The following ING3 variants were observed in gnomAD, a reference collection of about 807,000 sequenced individuals.
ING3 encodes the protein inhibitor of growth family member 3.
ING3 carries 6 observed loss-of-function variants against 64.8 expected under a neutral mutation model. That is an observed-to-expected ratio of 0.09 (90% CI 0.05 to 0.18). The LOEUF (loss-of-function observed/expected upper bound fraction) is 0.18, where lower values mean the gene tolerates loss of function less well. ING3 is among the 10% of genes least tolerant of loss of function. The pLI is 1.00. For synonymous variants in ING3, 170 were observed against 173.7 expected, an observed-to-expected ratio of 0.98 and a Z score of 0.17; for missense variants, 310 against 489.7, an observed-to-expected ratio of 0.63 and a Z score of 3.46.
rs1464487348 is a variant in ING3, at chr7:120,969,019, G to A, written c.723G>A (p.Glu241=). 1 of 1,608,600 alleles carries A rather than the reference G, an allele frequency of 6.2e-7. No homozygotes were observed. ...QAVQATAQMK[E]GRRTSSLKAS... is the part of the protein sequence containing the mutation. Reference sequence around the variant, plus strand: ...ATGAATGTCTATTTAAGATGAAGGAGGGACGAAGAACATCAAGTTTAAAAG... The same window carrying A: ...ATGAATGTCTATTTAAGATGAAGGAAGGACGAAGAACATCAAGTTTAAAAG... Residue 241 remains glutamate (E), a synonymous_variant, in exon 9 of 12, where the codon GAG becomes GAA. Transcript: ENST00000315870.
chr7:120,970,536 C>A, intron 9 of ING3, 152 bp from the exon 10 acceptor site: 1 of 721,090 alleles, frequency 1.4e-6, no homozygotes, highest in Non-Finnish European at 2.3e-6. Context: ...AAAGTACTAC[C>A]TACAATTTAA....
intron 5 of ING3, 115 bp from the exon 6 acceptor site, chr7:120,966,511 C>T (rs998861915): frequency 4.9e-6 from 4 of 811,854 alleles, no homozygotes; most frequent in Non-Finnish European, 8.9e-6. Context: ...GCATATGCAT[C>T]AGAACTTGCT....
chr7:120,973,255 AT>A lies in ING3; in HGVS notation c.1140+17del. 1.3e-6 allele frequency: 2 copies of A among 1,496,078 alleles called. No homozygotes were observed. Among genetic ancestry groups the A allele is most frequent in the Non-Finnish European group, 1.9e-6 (2 of 1,077,950 alleles). 92.7% of individuals were successfully genotyped at this position (1,496,078 alleles called of 1,614,324 possible). A position where few individuals can be genotyped will look rare whatever the true frequency, so the allele number is the denominator to read the frequency against. On this transcript the variant is annotated intron_variant, in intron 11 of 11. Coordinates refer to ENST00000315870, the MANE Select transcript of ING3 (RefSeq NM_019071.3). ...GTGATAACCAAGATGTAAGTATTAC[AT>A]TTTTCTATTTAGGAATGAAAAAAAT...
Position 120,970,800 on chromosome 7 carries a change from G to A in ING3, c.1021G>A (p.Val341Ile). 6.2e-7 allele frequency: 1 copy of A among 1,613,904 alleles called. No individual in the cohort carries two copies. Among genetic ancestry groups the A allele is most frequent in the Non-Finnish European group, 8.5e-7 (1 of 1,179,868 alleles). The change falls in exon 10 of 12, where the codon GTA (valine) becomes ATA (isoleucine). Residue 341 changes from valine (V) to isoleucine (I), a missense_variant. Physicochemically the swap from Val to Ile is conservative, Grantham distance 29. Coordinates refer to ENST00000315870, the MANE Select transcript of ING3 (RefSeq NM_019071.3). ...ACAAGAAATCTCTCAACAAACAACT[G>A]TAGTGCCAGAATCTGATTCAAATAG... ...VVQEISQQTT[V>I]VPESDSNSQV... is the part of the protein sequence containing the mutation.
At chr7:120,973,931 G>T (rs1229827341) in intron 11 of ING3, among the ~76,000 whole-genome samples, 1 of 152,138 alleles carries the variant, frequency 6.6e-6, no homozygotes, top group Non-Finnish European at 1.5e-5. Context: ...AGCTGGCTAG[G>T]TGCATTAAAA....
Position 120,976,940 on chromosome 7 carries a change from C to T in ING3, c.*2096C>T, listed in dbSNP as rs550536979. The T allele has an allele frequency of 1.1e-4, 17 of 152,302 alleles. No individual in the cohort carries two copies. The highest frequency in any genetic ancestry group is 3.8e-4 in the African/African-American group (16 of 41,572). 9.4% of individuals were successfully genotyped at this position (152,302 alleles called of 1,614,324 possible). A position where few individuals can be genotyped will look rare whatever the true frequency, so the allele number is the denominator to read the frequency against. On this transcript the variant is annotated 3_prime_UTR_variant, in exon 12 of 12. Coordinates refer to ENST00000315870, the MANE Select transcript of ING3 (RefSeq NM_019071.3). The stretch of plus-strand genomic sequence containing the variant: ...CTGAGTCATATATAATGGGGCCAAA[C>T]ATGGAACTACCTCATCAACCCCCCA...
Position 120,970,792 on chromosome 7 carries a change from AAAC to A in ING3, c.1017_1019del (p.Thr340del), listed in dbSNP as rs539687500. 268 of 1,614,054 alleles carry A rather than the reference AAAC, an allele frequency of 1.7e-4. No individual in the cohort carries two copies. In the African/African-American group the frequency reaches 3.1e-3, roughly 19 times the overall value. On this transcript the variant is annotated inframe_deletion, in exon 10 of 12. Coordinates refer to ENST00000315870, the MANE Select transcript of ING3 (RefSeq NM_019071.3). Reference sequence around the variant, plus strand: ...ACTGTTGTACAAGAAATCTCTCAACAAACAACTGTAGTGCCAGAATCTGATTCA... The same window carrying A: ...ACTGTTGTACAAGAAATCTCTCAACAAACTGTAGTGCCAGAATCTGATTCA...
intron 6 of ING3, 132 bp downstream of exon 6, chr7:120,966,829 C>G: frequency 1.4e-6 from 1 of 691,846 alleles, no homozygotes; most frequent in Non-Finnish European, 2.5e-6. Context: ...ATTGCAAGTA[C>G]TGGCAGACTT....
intron 4 of ING3, among the ~76,000 whole-genome samples, chr7:120,962,246 C>A (rs544232595): frequency 6.6e-6 from 1 of 152,208 alleles, no homozygotes; most frequent in Admixed American, 6.5e-5. Flanking sequence ...AAAAATAATG[C>A]TCATTGCCTA....
chr7:120,972,607 A>G (rs1584995906), intron 10 of ING3, among the ~76,000 whole-genome samples: 2 of 152,294 alleles, frequency 1.3e-5, no homozygotes, highest in South Asian at 4.1e-4. Flanking sequence ...CAGAGAAGTT[A>G]TTTCTCTGCA....
chr7:120,956,127 T>C (rs1446665344), intron 4 of ING3: 3 of 1,468,286 alleles, frequency 2.0e-6, no homozygotes, highest in South Asian at 2.3e-5. Context: ...CAATACAAGA[T>C]GACAAACTTT....
At chr7:120,959,746 T>C (rs957380438) in intron 4 of ING3, among the ~76,000 whole-genome samples, 3 of 146,382 alleles carry the variant, frequency 2.0e-5, no homozygotes, top group Non-Finnish European at 4.5e-5. Flanking sequence ...CTTGGGTTCA[T>C]GCCATTCTCC....
intron 3 of ING3, among the ~76,000 whole-genome samples, chr7:120,954,496 T>A (rs1446089419): frequency 6.6e-6 from 1 of 152,070 alleles, no homozygotes; most frequent in Non-Finnish European, 1.5e-5. Context: ...AGTTCTGTTA[T>A]GATATGTTAT....
In ING3 at chr7:120,953,399, A is replaced by C. The variant is rs1795797099; in HGVS notation, c.196A>C (p.Lys66Gln). 6.3e-7 allele frequency: 1 copy of C among 1,581,606 alleles called. No homozygotes were observed. The highest frequency in any genetic ancestry group is 8.7e-7 in the Non-Finnish European group (1 of 1,155,750). The change falls in exon 3 of 12, where the codon AAA becomes CAA. Residue 66 changes from lysine to glutamine, a missense_variant. Lys to Gln is a moderately conservative substitution (Grantham distance 53). This residue lies in a region of ING3 where 53 missense variants were observed against 116.2 expected (regional missense o/e 0.46). Transcript: ENST00000315870. Reference protein sequence around the residue: ...EWREEQMASIKKDYYKALEDA... With the variant: ...EWREEQMASIQKDYYKALEDA... ...GAGGGAAGAGCAAATGGCATCCATC[A>C]AAAAAGTATGTGCAACACTTTGGAT...
Position 120,968,041 on chromosome 7 carries a change from G to T in ING3, c.664G>T (p.Ala222Ser), listed in dbSNP as rs144315352. The change falls in exon 8 of 12, where the codon GCA becomes TCA. Residue 222 changes from alanine to serine, a missense_variant. Coordinates refer to ENST00000315870, the MANE Select transcript of ING3 (RefSeq NM_019071.3). ...NIGSLSSGTGAGAITMAAAQA... is the reference protein window; with the variant it reads ...NIGSLSSGTGSGAITMAAAQA... ...TGGCTCGTTATCTTCAGGAACTGGT[G>T]CAGGGGCAATTACCATGGCAGCTGC... 1 of 1,613,996 alleles carries T rather than the reference G, an allele frequency of 6.2e-7. No individual in the cohort carries two copies. Among genetic ancestry groups the T allele is most frequent in the Non-Finnish European group, 8.5e-7 (1 of 1,180,016 alleles).
chr7:120,951,140 T>C lies in ING3; in HGVS notation c.29-24T>C, dbSNP rs758937516. On this transcript the variant is annotated intron_variant, in intron 1 of 11. Transcript: ENST00000315870. ...CGTATTTCGCCGTTGGCCCCGCCCC[T>C]CTGACGGACTCTCCCTTTGACAGTG... The C allele has an allele frequency of 2.7e-5, 43 of 1,613,258 alleles. 1 individual carries two copies. The Admixed American group carries it at 6.2e-4, about 23-fold the overall frequency.
chr7:120,959,794 C>T (rs1245744831), intron 4 of ING3, among the ~76,000 whole-genome samples: 2 of 151,120 alleles, frequency 1.3e-5, no homozygotes, highest in African/African-American at 2.4e-5. Flanking sequence ...TACAGGCGCC[C>T]ACCACCACGC....
At chr7:120,956,153 T>C in intron 4 of ING3, 1 of 1,595,752 alleles carries the variant, frequency 6.3e-7, no homozygotes, top group Non-Finnish European at 8.6e-7. Flanking sequence ...AGATTCTTTT[T>C]TTGCAGCAGC....
At chr7:120,970,604 T>C (rs750190680) in intron 9 of ING3, 84 bp from the exon 10 acceptor site, 20 of 1,354,224 alleles carry the variant, frequency 1.5e-5, no homozygotes, top group Non-Finnish European at 2.0e-5. Context: ...TTTGATGTCA[T>C]TTCATTTTAT....
Sources: allele counts gnomAD v4.1 joint callset (sites outside exome capture counted in the v4.1 genomes callset), GRCh38; gene constraint gnomAD v4.1.1; regional missense constraint gnomAD v4.1.1; transcripts MANE v1.5; gene names NCBI Gene and HGNC (gene_info 2026-07-23, HGNC 2026-07-21).